CFAP65: variants seen among roughly 807,000 people sequenced by gnomAD.
The protein encoded by CFAP65 is cilia- and flagella-associated protein 65.
A neutral mutation model predicts 208.0 loss-of-function variants in CFAP65; 155 were observed. That is an observed-to-expected ratio of 0.75 (90% CI 0.65 to 0.85). CFAP65 has a LOEUF of 0.85. Among genes scored for constraint, CFAP65 ranks in the 40% least tolerant of loss-of-function variants. CFAP65 has a pLI of 0.00. For missense variants in CFAP65, 2,294 were observed against 2,451.3 expected (o/e 0.94, Z 1.36); for synonymous variants, 970 against 986.3 (o/e 0.98, Z 0.31).
chr2:219,019,126 C>T lies in CFAP65; in HGVS notation c.3527G>A (p.Gly1176Glu), dbSNP rs1947102406. The stretch of plus-strand genomic sequence containing the variant: ...AGGTGGGGCCTTGAATGGTGCGGCC[C>T]CGAAATTGAAGTCAAGCCTTAAAGG... ...LTPLRLDFNF[G>E]AAPFKAPPSV... Residue 1176 changes from glycine to glutamate, a missense_variant, in exon 21 of 35, where the codon GGG (glycine) becomes GAG (glutamate). By Grantham distance (98) the Gly-to-Glu change is moderately conservative. Coordinates refer to ENST00000341552, the MANE Select transcript of CFAP65 (RefSeq NM_194302.4). The T allele has an allele frequency of 6.2e-7, 1 of 1,614,046 alleles. No individual in the cohort carries two copies. The highest frequency in any genetic ancestry group is 1.1e-5 in the South Asian group (1 of 91,086).
chr2:219,012,338 A>G lies in CFAP65; in HGVS notation c.3957+921T>C, dbSNP rs192897315. 2.0e-5 allele frequency among the ~76,000 whole-genome samples: 3 copies of G among 152,310 alleles called. No homozygotes were observed. The East Asian group carries it at 5.8e-4, about 29-fold the overall frequency. On this transcript the variant is annotated intron_variant, in intron 24 of 34. Transcript: ENST00000341552. ...TAAAGCCTATTCCTGCTCCCAGTTT[A>G]TCTCCTTTTAGCAAATGGCACTATG...
In CFAP65 at chr2:219,003,730, T is replaced by C. The variant is rs549004425; in HGVS notation, c.5555+222A>G. On this transcript the variant is annotated intron_variant, in intron 33 of 34. Transcript: ENST00000341552. This position sits in a 1 kb window ranked among gnomAD's most constrained non-coding sequence, Gnocchi z 4.4. Reference sequence around the variant, plus strand: ...TATAACAATTCTCCTGGTAAGTTGGTAAATGTCAACAACTAGTTCTTAGAG... The same window carrying C: ...TATAACAATTCTCCTGGTAAGTTGGCAAATGTCAACAACTAGTTCTTAGAG... Among the ~76,000 whole-genome samples, 1 of 152,306 alleles carries C rather than the reference T, an allele frequency of 6.6e-6. No individual in the cohort carries two copies. Among genetic ancestry groups the C allele is most frequent in the African/African-American group, 2.4e-5 (1 of 41,572 alleles).
Position 219,005,492 on chromosome 2 carries a change from C to A in CFAP65, c.4993G>T (p.Gly1665Cys). ...TGCTTCTTCTGCTTGGAAACAGGGCCCCACTTGTTAGGGGATTTTTCCTCA... is the reference window on the plus strand; with the variant it reads ...TGCTTCTTCTGCTTGGAAACAGGGCACCACTTGTTAGGGGATTTTTCCTCA... ...TSEEKSPNKWGPVSKQKKQLL... is the reference protein window; with the variant it reads ...TSEEKSPNKWCPVSKQKKQLL... The change falls in exon 32 of 35, where the codon GGC becomes TGC. Residue 1665 changes from glycine (G) to cysteine (C), a missense_variant. Coordinates refer to ENST00000341552, the MANE Select transcript of CFAP65 (RefSeq NM_194302.4). 6.2e-7 allele frequency: 1 copy of A among 1,613,600 alleles called. No individual in the cohort carries two copies. The highest frequency in any genetic ancestry group is 1.1e-5 in the South Asian group (1 of 91,062).
At chr2:219,037,831 C>G (rs555135004) in intron 4 of CFAP65, among the ~76,000 whole-genome samples, 2 of 152,226 alleles carry the variant, frequency 1.3e-5, no homozygotes, top group Non-Finnish European at 2.9e-5. Flanking sequence ...CAGACACACA[C>G]TGCATCATAC....
At position 219,023,444 on chromosome 2, in the gene CFAP65, G is replaced by A. The variant is rs1947407314; in HGVS notation, c.2596-13C>T. 4 of 1,548,378 alleles carry A rather than the reference G, an allele frequency of 2.6e-6. No individual in the cohort carries two copies. In the East Asian group the frequency reaches 9.5e-5, roughly 37 times the overall value. On this transcript the variant is annotated splice_polypyrimidine_tract_variant and intron_variant, in intron 15 of 34. Transcript: ENST00000341552. ...ACATGCTCACCTCCTGGAGCCAGAG[G>A]AAGAAGGGCAGTGCCCTGACCTCAC...
At chr2:219,030,866 C>T (rs56068521) in intron 8 of CFAP65, 32 bp from the exon 9 acceptor site, 192,148 of 1,597,602 alleles carry the variant, frequency 0.12, 13,850 homozygotes, top group African/African-American at 0.35. Flanking sequence ...CTTGGGGGAA[C>T]CCACCAGGGC....
intron 29 of CFAP65, among the ~76,000 whole-genome samples, chr2:219,008,804 C>A (rs79997799): frequency 6.6e-6 from 1 of 152,202 alleles, no homozygotes; most frequent in African/African-American, 2.4e-5. Context: ...GTGCAGCACA[C>A]AGTAGCCACT....
chr2:219,009,215 G>A, intron 28 of CFAP65, 61 bp from the exon 29 acceptor site: 5 of 1,523,430 alleles, frequency 3.3e-6, no homozygotes, highest in African/African-American at 2.7e-5. Context: ...GGCCTATGCT[G>A]TGAGCCCTCT....
chr2:219,033,903 A>G (rs1033454358), intron 5 of CFAP65: 9 of 151,660 alleles, frequency 5.9e-5, no homozygotes, highest in African/African-American at 2.2e-4. Flanking sequence ...AATTATTAGA[A>G]TAAGAGGATT....
rs544730281 is a variant in CFAP65, at chr2:219,003,472, T to C, written c.5556-200A>G. On this transcript the variant is annotated intron_variant, in intron 33 of 34. Transcript: ENST00000341552. This position sits in a 1 kb window ranked among gnomAD's most constrained non-coding sequence, Gnocchi z 4.4. The stretch of plus-strand genomic sequence containing the variant: ...CTAAAAGATTCCAAGTTGCCAAATA[T>C]GCTGCTGGTTTAAGGGGTGGGATTC... Among the ~76,000 whole-genome samples, 17 of 152,320 alleles carry C rather than the reference T, an allele frequency of 1.1e-4. No individual in the cohort carries two copies. Among genetic ancestry groups the C allele is most frequent in the African/African-American group, 4.1e-4 (17 of 41,574 alleles).
At chr2:219,025,433 C>T (rs6711919) in intron 14 of CFAP65, among the ~76,000 whole-genome samples, 6,753 of 152,200 alleles carry the variant, frequency 0.044, 494 homozygotes, top group African/African-American at 0.15. Flanking sequence ...AACCTCCAGG[C>T]GATGGAGACT....
chr2:219,009,675 G>A (rs1328185430), intron 27 of CFAP65, among the ~76,000 whole-genome samples: 4 of 82,100 alleles, frequency 4.9e-5, no homozygotes, highest in African/African-American at 1.2e-4. Flanking sequence ...GTGGGATGGG[G>A]TGGGGTGGGG....
intron 4 of CFAP65, among the ~76,000 whole-genome samples, chr2:219,038,025 G>A (rs556197899): frequency 6.6e-6 from 1 of 152,134 alleles, no homozygotes; most frequent in Non-Finnish European, 1.5e-5. Context: ...CCTCTGACTC[G>A]TTCCTCCCTG....
At chr2:219,016,758 G>A (rs1559131532) in intron 21 of CFAP65, among the ~76,000 whole-genome samples, 1 of 152,160 alleles carries the variant, frequency 6.6e-6, no homozygotes, top group Non-Finnish European at 1.5e-5. Context: ...AGTGTGACAG[G>A]TCTTGAAAGC....
intron 16 of CFAP65, 134 bp downstream of exon 16, chr2:219,023,073 C>T: frequency 2.7e-6 from 2 of 738,054 alleles, no homozygotes; most frequent in Non-Finnish European, 4.7e-6. Context: ...ATAATAACAC[C>T]TCATCGCCAG....
intron 11 of CFAP65, 96 bp from the exon 12 acceptor site, chr2:219,028,497 G>T: frequency 9.3e-7 from 1 of 1,078,476 alleles, no homozygotes; most frequent in Non-Finnish European, 1.4e-6. Context: ...GGGCAGACAG[G>T]ATAACAGAGG....
At chr2:219,029,926 T>G in intron 10 of CFAP65, 60 bp downstream of exon 10, 1 of 1,522,260 alleles carries the variant, frequency 6.6e-7, no homozygotes, top group Admixed American at 1.8e-5. Context: ...AAGGAGCTCT[T>G]CAGAATCCTC....
chr2:219,030,855 T>C, intron 8 of CFAP65, 21 bp from the exon 9 acceptor site: 1 of 1,608,386 alleles, frequency 6.2e-7, no homozygotes. Flanking sequence ...GATGGGGGAG[T>C]CTTGGGGGAA....
chr2:219,038,800 A>T lies in CFAP65; in HGVS notation c.153+96T>A, dbSNP rs189566035. 3.1e-4 allele frequency: 414 copies of T among 1,353,560 alleles called. 1 individual carries two copies. The African/African-American group carries it at 5.6e-3, about 18-fold the overall frequency. 83.8% of individuals were successfully genotyped at this position (1,353,560 alleles called of 1,614,324 possible). A position where few individuals can be genotyped will look rare whatever the true frequency, so the allele number is the denominator to read the frequency against. On this transcript the variant is annotated intron_variant, in intron 3 of 34. Transcript: ENST00000341552. ...CTCAGGGAAGGCACTCCAAAGAGGG[A>T]CTTGGGGACAAGGCCCACCCCACTA... is the stretch of plus-strand genomic sequence containing the variant.
Sources: allele counts gnomAD v4.1 joint callset (sites outside exome capture counted in the v4.1 genomes callset), GRCh38; gene constraint gnomAD v4.1.1; non-coding constraint Gnocchi (gnomAD v3.1); transcripts MANE v1.5; gene names NCBI Gene and HGNC (gene_info 2026-07-23, HGNC 2026-07-21).